Variants in ADGRB3 observed in about 807,000 individuals in gnomAD.
ADGRB3 encodes brain-specific angiogenesis inhibitor 3.
Under a neutral mutation model 193.4 loss-of-function variants are expected in ADGRB3, and 37 were observed. The ratio of observed to expected loss-of-function variants is 0.19; its 90% CI spans 0.15 to 0.25. ADGRB3 has a LOEUF of 0.25. ADGRB3 is among the 10% of genes least tolerant of loss of function. ADGRB3 has a pLI of 1.00. For missense variants in ADGRB3, 1,637 were observed against 1,852.9 expected (o/e 0.88, Z 2.14); for synonymous variants, 690 against 644.2 (o/e 1.07, Z -1.08).
intron 3 of ADGRB3, among the ~76,000 whole-genome samples, chr6:68,815,082 C>G (rs894244408): frequency 6.6e-6 from 1 of 152,116 alleles, no homozygotes; most frequent in South Asian, 2.1e-4. Context: ...TGACACAAGA[C>G]AGGGATGCCC....
chr6:68,710,050 G>GGGCACTGACT (rs1765384152), intron 3 of ADGRB3, among the ~76,000 whole-genome samples: 1 of 152,160 alleles, frequency 6.6e-6, no homozygotes, highest in Non-Finnish European at 1.5e-5. Flanking sequence ...GGAGTAATCT[G>GGGCACTGACT]AGGTCCTGGA....
At chr6:69,211,293 A>T (rs902410127) in intron 17 of ADGRB3, among the ~76,000 whole-genome samples, 3 of 152,120 alleles carry the variant, frequency 2.0e-5, no homozygotes, top group African/African-American at 7.2e-5. Context: ...GTCATGCGTG[A>T]TAGAGCCAAT....
At chr6:69,307,616 A>C (rs550029229) in intron 20 of ADGRB3, among the ~76,000 whole-genome samples, 1 of 151,650 alleles carries the variant, frequency 6.6e-6, no homozygotes, top group South Asian at 2.1e-4. Flanking sequence ...TATTCCTTTC[A>C]AATATCTCTT....
intron 3 of ADGRB3, among the ~76,000 whole-genome samples, chr6:68,815,518 T>C (rs1045366820): frequency 1.3e-5 from 2 of 151,488 alleles, no homozygotes; most frequent in Admixed American, 1.3e-4. Flanking sequence ...TATCTTAATA[T>C]AATTTTTGAT....
chr6:68,834,205 A>G (rs76264447), intron 3 of ADGRB3, among the ~76,000 whole-genome samples: 2,332 of 152,092 alleles, frequency 0.015, 58 homozygotes, highest in African/African-American at 0.053. Flanking sequence ...TAATACCCAA[A>G]ATCACATGAC....
chr6:68,885,956 C>G (rs1765894548), intron 3 of ADGRB3, among the ~76,000 whole-genome samples: 2 of 151,982 alleles, frequency 1.3e-5, no homozygotes, highest in African/African-American at 4.8e-5. Context: ...ATTTTTGAAA[C>G]GTCCAGTGAA....
chr6:69,239,060 A>AAT, intron 19 of ADGRB3, 64 bp from the exon 20 acceptor site: 1 of 871,012 alleles, frequency 1.1e-6, no homozygotes, highest in Admixed American at 2.1e-5. Flanking sequence ...CAGTTTGCAC[A>AAT]ATATATAATT....
intron 20 of ADGRB3, among the ~76,000 whole-genome samples, chr6:69,252,850 T>A (rs1463595589): frequency 6.6e-6 from 1 of 152,120 alleles, no homozygotes; most frequent in Non-Finnish European, 1.5e-5. Flanking sequence ...TAAAAGATCT[T>A]CATTACTCCT....
intron 17 of ADGRB3, among the ~76,000 whole-genome samples, chr6:69,181,135 C>T (rs1775569390): frequency 6.6e-6 from 1 of 152,278 alleles, no homozygotes; most frequent in East Asian, 1.9e-4. Flanking sequence ...ATCACAGGGG[C>T]TGTTTGCCTG....
chr6:68,989,558 A>G (rs1343592087), intron 10 of ADGRB3, among the ~76,000 whole-genome samples: 1 of 152,172 alleles, frequency 6.6e-6, no homozygotes, highest in African/African-American at 2.4e-5. Context: ...CAGTCACTGA[A>G]TGTCCACTTT....
intron 3 of ADGRB3, among the ~76,000 whole-genome samples, chr6:68,923,555 C>T (rs983001608): frequency 6.6e-6 from 1 of 151,926 alleles, no homozygotes; most frequent in South Asian, 2.1e-4. Flanking sequence ...AATAGTAGTA[C>T]TATAAAATAA....
At chr6:68,877,691 T>A (rs1765630167) in intron 3 of ADGRB3, among the ~76,000 whole-genome samples, 1 of 152,180 alleles carries the variant, frequency 6.6e-6, no homozygotes, top group South Asian at 2.1e-4. Flanking sequence ...TTGCAATTTA[T>A]TGGTTTAAAA....
chr6:68,784,810 T>C (rs1374931756), intron 3 of ADGRB3, among the ~76,000 whole-genome samples: 1 of 152,126 alleles, frequency 6.6e-6, no homozygotes, highest in Admixed American at 6.6e-5. Flanking sequence ...TGTGTTAAAA[T>C]GGAGGTAGCT....
At chr6:69,277,169 A>AT (rs1349847969) in intron 20 of ADGRB3, among the ~76,000 whole-genome samples, 1 of 151,714 alleles carries the variant, frequency 6.6e-6, no homozygotes, top group Non-Finnish European at 1.5e-5. Flanking sequence ...TAATATTTGT[A>AT]TTTTTAGTAC....
intron 30 of ADGRB3, 22 bp from the exon 31 acceptor site, chr6:69,382,809 G>A: frequency 6.6e-7 from 1 of 1,512,752 alleles, no homozygotes; most frequent in Non-Finnish European, 9.1e-7. Context: ...GGGGATGAGA[G>A]CTATCTTGTT....
intron 3 of ADGRB3, among the ~76,000 whole-genome samples, chr6:68,657,411 C>T (rs1283748703): frequency 6.6e-6 from 1 of 151,310 alleles, no homozygotes; most frequent in Non-Finnish European, 1.5e-5. Context: ...AATTTTACAT[C>T]AGTAAAAATT....
Position 69,063,025 on chromosome 6 carries a change from C to T in ADGRB3, c.2425C>T (p.His809Tyr). Residue 809 changes from histidine (H) to tyrosine (Y), a missense_variant, in exon 16 of 32, where the codon CAT becomes TAT. His to Tyr is a moderately conservative substitution (Grantham distance 83). This residue lies in a region of ADGRB3 where 641 missense variants were observed against 673.9 expected (regional missense o/e 0.95). Coordinates refer to ENST00000370598, the MANE Select transcript of ADGRB3 (RefSeq NM_001704.3). ...TTCGTTTCTGGAGATAGAACTAGCT[C>T]ATTTGGCTAATGTAAGTACCATCCA... The part of the protein sequence containing the change: ...TDSFLEIELA[H>Y]LANGTLNPYC... 1.9e-6 allele frequency: 3 copies of T among 1,610,832 alleles called. No individual in the cohort carries two copies. Among genetic ancestry groups the T allele is most frequent in the South Asian group, 1.1e-5 (1 of 90,966 alleles).
chr6:69,372,379 C>T (rs916375562), intron 29 of ADGRB3, 27 bp from the exon 30 acceptor site: 1 of 1,274,308 alleles, frequency 7.8e-7, no homozygotes, highest in Non-Finnish European at 1.1e-6. Context: ...TGGTTTTTCT[C>T]CTTCTTTTTA....
At chr6:69,274,004 G>C (rs1767237016) in intron 20 of ADGRB3, among the ~76,000 whole-genome samples, 1 of 152,122 alleles carries the variant, frequency 6.6e-6, no homozygotes, top group African/African-American at 2.4e-5. Context: ...GGAGTGTGGT[G>C]GTAGTGGATG....
Sources: allele counts gnomAD v4.1 joint callset (sites outside exome capture counted in the v4.1 genomes callset), GRCh38; gene constraint gnomAD v4.1.1; regional missense constraint gnomAD v4.1.1; transcripts MANE v1.5; gene names NCBI Gene and HGNC (gene_info 2026-07-23, HGNC 2026-07-21).